Variants in YEATS2 observed in about 807,000 individuals in gnomAD.
The protein encoded by YEATS2 is YEATS domain containing 2.
A neutral mutation model predicts 163.2 loss-of-function variants in YEATS2; 77 were observed. The observed-to-expected ratio is 0.47, with a 90% CI of 0.39 to 0.57. YEATS2 has a LOEUF of 0.57. YEATS2 is among the 20% of genes least tolerant of loss of function. YEATS2 has a pLI of 0.00. For missense variants in YEATS2, 1,549 were observed against 1,729.8 expected (o/e 0.90, Z 1.85); for synonymous variants, 631 against 645.1 (o/e 0.98, Z 0.33).
chr3:183,722,211 C>G (rs1421807032), intron 5 of YEATS2, 75 bp downstream of exon 5: 2 of 1,458,790 alleles, frequency 1.4e-6, no homozygotes, highest in African/African-American at 2.9e-5. Context: ...CGCTTGTTAT[C>G]TCACTGAACT....
At position 183,747,674 on chromosome 3, in the gene YEATS2, G is replaced by A. The variant is rs1021053783; in HGVS notation, c.927G>A (p.Leu309=). 6.2e-7 allele frequency: 1 copy of A among 1,612,542 alleles called. No homozygotes were observed. Among genetic ancestry groups the A allele is most frequent in the South Asian group, 1.1e-5 (1 of 91,008 alleles). The stretch of plus-strand genomic sequence containing the variant: ...CTCTCCCTTTTGTCTTTCCATAGCT[G>A]GATAGAACTTATACTGGCTTGCAGA... ...KRIDIIHNLK[L]DRTYTGLQTL... The change falls in exon 9 of 31, where the codon CTG becomes CTA. Residue 309 remains leucine, a splice_region_variant and synonymous_variant. Coordinates refer to ENST00000305135, the MANE Select transcript of YEATS2 (RefSeq NM_018023.5).
rs578209312 is a variant in YEATS2, at chr3:183,724,032, T to C, written c.538-387T>C. Among the ~76,000 whole-genome samples, 6 of 152,350 alleles carry C rather than the reference T, an allele frequency of 3.9e-5. 1 individual carries two copies. In the East Asian group the frequency reaches 1.2e-3, roughly 29 times the overall value. On this transcript the variant is annotated intron_variant, in intron 5 of 30. Coordinates refer to ENST00000305135, the MANE Select transcript of YEATS2 (RefSeq NM_018023.5). Reference sequence around the variant, plus strand: ...GCATTTACTATGTACCAGGCACTTATTTCTCATTGAACAGTTTTGAATATT... The same window carrying C: ...GCATTTACTATGTACCAGGCACTTACTTCTCATTGAACAGTTTTGAATATT...
At chr3:183,786,413 G>GC in intron 20 of YEATS2, 112 bp downstream of exon 20, 1 of 951,048 alleles carries the variant, frequency 1.1e-6, no homozygotes, top group Non-Finnish European at 1.5e-6. Context: ...CTCAACTATT[G>GC]CTTTTTTTTT....
intron 4 of YEATS2, among the ~76,000 whole-genome samples, chr3:183,719,824 G>C (rs978203229): frequency 6.6e-6 from 1 of 152,020 alleles, no homozygotes; most frequent in African/African-American, 2.4e-5. Flanking sequence ...CAGTCTTCCT[G>C]CCTCAGCCTC....
chr3:183,747,239 C>G (rs780887042), intron 8 of YEATS2, among the ~76,000 whole-genome samples: 4 of 152,032 alleles, frequency 2.6e-5, no homozygotes, highest in Non-Finnish European at 5.9e-5. Flanking sequence ...TATGTATAGC[C>G]TGTCATTTAA....
At chr3:183,798,153 C>A in intron 22 of YEATS2, 102 bp downstream of exon 22, 1 of 1,522,388 alleles carries the variant, frequency 6.6e-7, no homozygotes, top group Non-Finnish European at 8.9e-7. Flanking sequence ...CACCCTTCAG[C>A]TGTCACGGTA....
intron 1 of YEATS2, 119 bp from the exon 2 acceptor site, chr3:183,715,025 A>G: frequency 1.7e-6 from 1 of 584,042 alleles, no homozygotes; most frequent in African/African-American, 1.9e-5. Flanking sequence ...TATTAATGTA[A>G]TATTTATTTA....
chr3:183,753,996 A>G lies in YEATS2; in HGVS notation c.1151-130A>G, dbSNP rs1005288976. ...AAAATATGAAGGGATGATTGATTGTATTTATTTTGCTACCAGTACATGGTT... is the reference window on the plus strand; with the variant it reads ...AAAATATGAAGGGATGATTGATTGTGTTTATTTTGCTACCAGTACATGGTT... On this transcript the variant is annotated intron_variant, in intron 10 of 30. Transcript: ENST00000305135. 6.9e-6 allele frequency: 8 copies of G among 1,154,550 alleles called. No individual in the cohort carries two copies. The African/African-American group carries it at 9.3e-5, about 13-fold the overall frequency. The allele number at this position is 1,154,550 out of a possible 1,614,324, so 71.5% of individuals were successfully genotyped here.
chr3:183,789,895 A>T (rs915619716), intron 20 of YEATS2, among the ~76,000 whole-genome samples: 5 of 151,958 alleles, frequency 3.3e-5, no homozygotes, highest in African/African-American at 1.2e-4. Context: ...ATTCTTTTTT[A>T]TGTAAATATC....
In YEATS2 at chr3:183,799,832, C is replaced by CT. The variant is rs533383296; in HGVS notation, c.3326-621dup. 6.4e-3 allele frequency among the ~76,000 whole-genome samples: 743 copies of CT among 115,738 alleles called. 3 individuals carry two copies. Among genetic ancestry groups the CT allele is most frequent in the South Asian group, 0.029 (98 of 3,336 alleles). 75.9% of individuals were successfully genotyped at this position (115,738 alleles called of 152,430 possible). A position where few individuals can be genotyped will look rare whatever the true frequency, so the allele number is the denominator to read the frequency against. On this transcript the variant is annotated intron_variant, in intron 23 of 30. Transcript: ENST00000305135. ...GAGTAGCATTGTTTTTTTTTTTTTT[C>CT]TTTTTTTTTTTTTGTTTTGAGATGG...
At chr3:183,740,312 T>C (rs886535467) in intron 8 of YEATS2, among the ~76,000 whole-genome samples, 7 of 152,052 alleles carry the variant, frequency 4.6e-5, no homozygotes, top group African/African-American at 1.7e-4. Context: ...CAGACACTTC[T>C]CAAAAGAAGA....
intron 13 of YEATS2, among the ~76,000 whole-genome samples, chr3:183,761,085 G>A (rs192204459): frequency 1.3e-5 from 2 of 151,706 alleles, no homozygotes; most frequent in African/African-American, 2.4e-5. Context: ...GGAATTTTAG[G>A]TTTTTTTCTT....
At chr3:183,776,657 T>C (rs1240840946) in intron 18 of YEATS2, among the ~76,000 whole-genome samples, 1 of 152,070 alleles carries the variant, frequency 6.6e-6, no homozygotes, top group African/African-American at 2.4e-5. Flanking sequence ...AAGCCAATGG[T>C]AGAATTTGGG....
Position 183,799,341 on chromosome 3 carries a change from G to A in YEATS2, c.3325+352G>A, listed in dbSNP as rs970835184. ...TTGCAGCTTGGGATGTCTGATCAGG[G>A]TTGACGGGGTGTGGAGAAGGGCAAG... is the stretch of plus-strand genomic sequence containing the variant. On this transcript the variant is annotated intron_variant, in intron 23 of 30. Coordinates refer to ENST00000305135, the MANE Select transcript of YEATS2 (RefSeq NM_018023.5). Among the ~76,000 whole-genome samples, 5 of 152,338 alleles carry A rather than the reference G, an allele frequency of 3.3e-5. No homozygotes were observed. The South Asian group carries it at 1.0e-3, about 32-fold the overall frequency.
intron 25 of YEATS2, chr3:183,802,407 T>A (rs998747372): frequency 6.5e-6 from 1 of 153,120 alleles, no homozygotes; most frequent in African/African-American, 2.4e-5. Flanking sequence ...GGGATCATTT[T>A]GATGTCTCTC....
rs1722462151 is a variant in YEATS2 at position 183,771,542 on chromosome 3, C to CTT, written c.1948-763_1948-762insTT. Among the ~76,000 whole-genome samples, 372 of 60,826 alleles carry CTT rather than the reference C, an allele frequency of 6.1e-3. 24 individuals are homozygous for CTT. Among genetic ancestry groups the CTT allele is most frequent in the Middle Eastern group, 0.017 (1 of 58 alleles). 39.9% of individuals were successfully genotyped at this position (60,826 alleles called of 152,430 possible). On this transcript the variant is annotated intron_variant, in intron 15 of 30. Transcript: ENST00000305135. ...TTTTAATAGTTAAATATTATTCTTG[C>CTT]CTTTTTTTTTTTTTTTTTTTTTTCT...
intron 7 of YEATS2, among the ~76,000 whole-genome samples, chr3:183,731,710 T>C (rs1717800491): frequency 6.6e-6 from 1 of 152,204 alleles, no homozygotes; most frequent in African/African-American, 2.4e-5. Context: ...ATCCTGGACA[T>C]CTGGAGTGTT....
intron 4 of YEATS2, among the ~76,000 whole-genome samples, chr3:183,718,824 A>T (rs1044758525): frequency 2.6e-5 from 4 of 152,122 alleles, no homozygotes; most frequent in African/African-American, 9.7e-5. Context: ...CCTCCTGAGT[A>T]GCTGGGATTA....
At chr3:183,804,667 G>T (rs1219123303) in intron 27 of YEATS2, among the ~76,000 whole-genome samples, 1 of 152,156 alleles carries the variant, frequency 6.6e-6, no homozygotes, top group Non-Finnish European at 1.5e-5. Flanking sequence ...AATGTTGCAG[G>T]TGAAATGAAT....
Sources: allele counts gnomAD v4.1 joint callset (sites outside exome capture counted in the v4.1 genomes callset), GRCh38; gene constraint gnomAD v4.1.1; transcripts MANE v1.5; gene names NCBI Gene and HGNC (gene_info 2026-07-23, HGNC 2026-07-21).